The following EEF1G variants were observed in gnomAD, a reference collection of about 807,000 sequenced individuals.
EEF1G encodes the protein eukaryotic translation elongation factor 1 gamma, also known as elongation factor 1-gamma.
In EEF1G, 14 loss-of-function variants were observed where a neutral mutation model predicts 58.3. That is an observed-to-expected ratio of 0.24 (90% confidence interval 0.16 to 0.38). The LOEUF is 0.38. EEF1G is among the 10% of genes least tolerant of loss of function. The pLI, the probability that EEF1G is intolerant of heterozygous loss-of-function variation, is 1.00. For missense variants in EEF1G, 322 were observed against 550.1 expected (o/e 0.59, Z 4.15); for synonymous variants, 180 against 206.8 (o/e 0.87, Z 1.11).
intron 5 of EEF1G, 54 bp from the exon 6 acceptor site, chr11:62,567,582 T>C: frequency 6.7e-7 from 1 of 1,498,436 alleles, no homozygotes; most frequent in Non-Finnish European, 8.9e-7. Context: ...TGAAGAGTTC[T>C]GTTCACAGCA....
chr11:62,560,003 T>C (rs1203746331), intron 9 of EEF1G, 66 bp downstream of exon 9: 6 of 1,610,052 alleles, frequency 3.7e-6, no homozygotes, highest in South Asian at 2.2e-5. Flanking sequence ...AACTCAGAAA[T>C]AAAACACAGT....
At chr11:62,567,094 A>C (rs1001090242) in intron 6 of EEF1G, 84 bp from the exon 7 acceptor site, 7 of 1,428,692 alleles carry the variant, frequency 4.9e-6, no homozygotes, top group African/African-American at 1.4e-5. Flanking sequence ...AAGCAAGGTA[A>C]CAGAGGAAAC....
intron 6 of EEF1G, 35 bp from the exon 7 acceptor site, chr11:62,567,045 T>G: frequency 3.1e-6 from 5 of 1,607,040 alleles, no homozygotes; most frequent in Non-Finnish European, 4.3e-6. Context: ...TGAACGAATG[T>G]TCTGCCTCTT....
chr11:62,561,007 T>C (rs138306542), intron 7 of EEF1G, among the ~76,000 whole-genome samples: 148 of 152,328 alleles, frequency 9.7e-4, no homozygotes, highest in African/African-American at 3.5e-3. Flanking sequence ...AGGTTCAGGT[T>C]ATCTTAAAAG....
chr11:62,572,986 T>A (rs550710726), intron 1 of EEF1G: 1 of 339,248 alleles, frequency 2.9e-6, no homozygotes, highest in Non-Finnish European at 5.3e-6. Flanking sequence ...TAAGGACACC[T>A]CTGGAAGTAT....
At chr11:62,573,755 G>A (rs1229302981) in intron 1 of EEF1G, 76 bp downstream of exon 1, 2 of 1,602,478 alleles carry the variant, frequency 1.2e-6, no homozygotes, top group African/African-American at 2.7e-5. Flanking sequence ...GAACTCCTCT[G>A]GCGCCGACTG....
In EEF1G at chr11:62,559,712, G is replaced by A. The variant is rs535359816; in HGVS notation, c.1281C>T (p.Gly427=). 1.9e-6 allele frequency: 3 copies of A among 1,613,954 alleles called. No homozygotes were observed. Among genetic ancestry groups the A allele is most frequent in the Non-Finnish European group, 2.5e-6 (3 of 1,179,878 alleles). Residue 427 remains glycine, a synonymous_variant, in exon 10 of 10, where the codon GGC becomes GGT. Transcript: ENST00000329251. The part of the protein sequence containing the change: ...FSWEGAFQHV[G]KAFNQGKIFK Reference sequence around the variant, plus strand: ...AGATCTTGCCCTGATTGAAGGCTTTGCCCACATGCTGGAAGGCCCCCTCCC... The same window carrying A: ...AGATCTTGCCCTGATTGAAGGCTTTACCCACATGCTGGAAGGCCCCCTCCC...
chr11:62,560,580 T>C lies in EEF1G; in HGVS notation c.858-126A>G, dbSNP rs1941482376. 6.6e-6 allele frequency: 7 copies of C among 1,062,600 alleles called. No homozygotes were observed. In the Admixed American group the frequency reaches 1.3e-4, roughly 20 times the overall value. 65.8% of individuals were successfully genotyped at this position (1,062,600 alleles called of 1,614,324 possible). A position where few individuals can be genotyped will look rare whatever the true frequency, so the allele number is the denominator to read the frequency against. On this transcript the variant is annotated intron_variant, in intron 7 of 9. Transcript: ENST00000329251. The stretch of plus-strand genomic sequence containing the variant: ...AATGGTCATTGTGCTGGCAGATGTG[T>C]ATGACCTTATGAGGGAAGTAAGCTC...
chr11:62,560,825 T>TC (rs1057151981), intron 7 of EEF1G, among the ~76,000 whole-genome samples: 12 of 151,586 alleles, frequency 7.9e-5, no homozygotes, highest in Non-Finnish European at 1.0e-4. Context: ...CCAAGTCTCT[T>TC]CCCCCCCACC....
intron 7 of EEF1G, 68 bp downstream of exon 7, chr11:62,566,738 G>A (rs909517748): frequency 1.4e-6 from 2 of 1,427,638 alleles, no homozygotes; most frequent in African/African-American, 1.4e-5. Flanking sequence ...CTGTGTGTGA[G>A]GGGGGACATA....
At position 62,566,823 on chromosome 11, in the gene EEF1G, G is replaced by A. The variant is rs771965894; in HGVS notation, c.840C>T (p.Phe280=). The A allele has an allele frequency of 1.1e-5, 17 of 1,613,376 alleles. No homozygotes were observed. The highest frequency in any genetic ancestry group is 3.3e-5 in the Admixed American group (2 of 59,998). The change falls in exon 7 of 10, where the codon TTC becomes TTT. Residue 280 remains phenylalanine, a synonymous_variant. Transcript: ENST00000329251. ...ATCCTTACCTCTTGGGCAGGTGAGC[G>A]AAGGGGTCCTTGGCCTTGGGCTCAG... The part of the protein sequence containing the change: ...LAAEPKAKDP[F]AHLPKSTFVL...
At chr11:62,573,030 A>T (rs757667056) in intron 1 of EEF1G, 1 of 239,706 alleles carries the variant, frequency 4.2e-6, no homozygotes, top group Non-Finnish European at 8.1e-6. Context: ...CAAGAAATCC[A>T]GAACTTCTAG....
Position 62,573,824 on chromosome 11 carries a change from A to C in EEF1G, c.12+7T>G. ...ATGACCCGAACCACCAGAGCCAGCAAACTTACCCCAGCCGCCATGGTGATT... is the reference window on the plus strand; with the variant it reads ...ATGACCCGAACCACCAGAGCCAGCACACTTACCCCAGCCGCCATGGTGATT... On this transcript the variant is annotated splice_region_variant and intron_variant, in intron 1 of 9. Coordinates refer to ENST00000329251, the MANE Select transcript of EEF1G (RefSeq NM_001404.5). The C allele has an allele frequency of 6.2e-7, 1 of 1,613,746 alleles. No individual in the cohort carries two copies.
chr11:62,563,234 C>T (rs952038417), intron 7 of EEF1G, among the ~76,000 whole-genome samples: 1 of 152,046 alleles, frequency 6.6e-6, no homozygotes, highest in Non-Finnish European at 1.5e-5. Context: ...TCACGCCATT[C>T]TCCTGCCTCA....
At position 62,572,618 on chromosome 11, in the gene EEF1G, G is replaced by T; in HGVS notation, c.137C>A (p.Thr46Asn). 6.2e-7 allele frequency: 1 copy of T among 1,612,218 alleles called. No individual in the cohort carries two copies. The highest frequency in any genetic ancestry group is 8.5e-7 in the Non-Finnish European group (1 of 1,179,882). Reference sequence around the variant, plus strand: ...AGGAAATTTGCGGAGAAATTCAGGGGTGCGGTTGGTTTGGCCAAAATGGAA... The same window carrying T: ...AGGAAATTTGCGGAGAAATTCAGGGTTGCGGTTGGTTTGGCCAAAATGGAA... ...PHFHFGQTNRTPEFLRKFPAG... is the reference protein window; with the variant it reads ...PHFHFGQTNRNPEFLRKFPAG... Residue 46 changes from threonine to asparagine, a missense_variant, in exon 2 of 10, where the codon ACC becomes AAC. Coordinates refer to ENST00000329251, the MANE Select transcript of EEF1G (RefSeq NM_001404.5).
At position 62,566,938 on chromosome 11, in the gene EEF1G, T is replaced by G. The variant is rs1260278609; in HGVS notation, c.725A>C (p.Gln242Pro). ...RKEKGSREEK[Q>P]KPQAERKEEK... is the part of the protein sequence containing the mutation. ...CTCCTTCCGCTCAGCCTGGGGCTTC[T>G]GCTTCTCTTCCCGTGAACCCTTCTC... Residue 242 changes from glutamine to proline, a missense_variant, in exon 7 of 10, where the codon CAG becomes CCG. Around this residue, in one of 3 missense-constraint regions of EEF1G, gnomAD observed 208 missense variants for 323.7 expected, o/e 0.64. Coordinates refer to ENST00000329251, the MANE Select transcript of EEF1G (RefSeq NM_001404.5). 1 of 1,614,064 alleles carries G rather than the reference T, an allele frequency of 6.2e-7. No homozygotes were observed. The highest frequency in any genetic ancestry group is 1.7e-5 in the Admixed American group (1 of 60,024).
intron 7 of EEF1G, among the ~76,000 whole-genome samples, chr11:62,566,180 G>A (rs544005980): frequency 1.3e-5 from 2 of 152,216 alleles, no homozygotes; most frequent in African/African-American, 2.4e-5. Flanking sequence ...CAAAAATCTC[G>A]TTTTTACTAT....
At position 62,560,070 on chromosome 11, in the gene EEF1G, G is replaced by A. The variant is rs377564786; in HGVS notation, c.1154C>T (p.Pro385Leu). The A allele has an allele frequency of 8.7e-5, 140 of 1,613,772 alleles. No homozygotes were observed. Among genetic ancestry groups the A allele is most frequent in the Middle Eastern group, 3.3e-4 (2 of 6,062 alleles). ...ACTCCTCTCCTCCACCTTCCTCACC[G>A]GAAAGGCAAGCTCCTGGCCTCGGAA... ...WVFRGQELAF[P>L]LSPDWQVDYE... The change falls in exon 9 of 10, where the codon CCG becomes CTG. Residue 385 changes from proline to leucine, a missense_variant and splice_region_variant. Physicochemically the swap from Pro to Leu is moderately conservative, Grantham distance 98. This residue lies in a region of EEF1G where 208 missense variants were observed against 323.7 expected (regional missense o/e 0.64). Transcript: ENST00000329251.
chr11:62,559,991 T>G (rs1002101642), intron 9 of EEF1G, 78 bp downstream of exon 9: 2 of 1,608,286 alleles, frequency 1.2e-6, no homozygotes, highest in Non-Finnish European at 1.7e-6. Context: ...TAAACATCCA[T>G]CAACTCAGAA....
Sources: allele counts gnomAD v4.1 joint callset (sites outside exome capture counted in the v4.1 genomes callset), GRCh38; gene constraint gnomAD v4.1.1; regional missense constraint gnomAD v4.1.1; transcripts MANE v1.5; gene names NCBI Gene and HGNC (gene_info 2026-07-23, HGNC 2026-07-21).